The following PTPRT variants were observed in gnomAD, a reference collection of about 807,000 sequenced individuals.
PTPRT encodes receptor-type tyrosine-protein phosphatase T.
Under a neutral mutation model 176.8 loss-of-function variants are expected in PTPRT, and 56 were observed. The observed-to-expected ratio is 0.32, with a 90% CI of 0.26 to 0.40. PTPRT has a LOEUF of 0.40. Ranked by LOEUF, PTPRT falls within the 10% of genes least tolerant of loss-of-function variation. The pLI is 1.00. For missense variants in PTPRT, 1,540 were observed against 1,908.2 expected, an observed-to-expected ratio of 0.81 and a Z score of 3.60; for synonymous variants, 783 against 739.0, an observed-to-expected ratio of 1.06 and a Z score of -0.96.
chr20:42,555,861 C>T (rs142021780), intron 7 of PTPRT, among the ~76,000 whole-genome samples: 50 of 152,278 alleles, frequency 3.3e-4, no homozygotes, highest in Middle Eastern at 3.4e-3. Flanking sequence ...TGGCGAGAGC[C>T]ATGCCTCCAG....
intron 12 of PTPRT, among the ~76,000 whole-genome samples, chr20:42,288,676 T>C (rs984082738): frequency 6.6e-6 from 1 of 152,050 alleles, no homozygotes. Flanking sequence ...TACATCCATG[T>C]TGCTGCAGAG....
chr20:42,322,458 T>C (rs1394591681), intron 11 of PTPRT, among the ~76,000 whole-genome samples: 4 of 106,680 alleles, frequency 3.7e-5, no homozygotes, highest in Non-Finnish European at 6.7e-5. Context: ...TAACGCCGCA[T>C]ATCTACAACT....
At chr20:42,085,887 A>G in intron 27 of PTPRT, 34 bp from the exon 28 acceptor site, 1 of 1,579,528 alleles carries the variant, frequency 6.3e-7, no homozygotes, top group Non-Finnish European at 8.7e-7. Flanking sequence ...GAAGGAGCTC[A>G]AAGGCAGGGG....
At chr20:42,402,859 C>T (rs951823915) in intron 9 of PTPRT, among the ~76,000 whole-genome samples, 11 of 151,930 alleles carry the variant, frequency 7.2e-5, no homozygotes, top group African/African-American at 2.2e-4. Context: ...TGTGTATACA[C>T]ATGCGTGTGC....
At chr20:42,944,432 G>A (rs1326882373) in intron 1 of PTPRT, among the ~76,000 whole-genome samples, 1 of 152,124 alleles carries the variant, frequency 6.6e-6, no homozygotes, top group Non-Finnish European at 1.5e-5. Context: ...GCCTGCACTG[G>A]CCTCCCTTTA....
At chr20:42,212,892 GATGC>G (rs2055678642) in intron 15 of PTPRT, among the ~76,000 whole-genome samples, 1 of 152,146 alleles carries the variant, frequency 6.6e-6, no homozygotes, top group Admixed American at 6.5e-5. Context: ...AACCTCCATT[GATGC>G]AGTCTAGAGC....
chr20:42,354,356 G>A lies in PTPRT; in HGVS notation c.1561-2071C>T, dbSNP rs561875013. ...CTCTCAACATTATCATTATGTCCAT[G>A]GGATTCATCCATGTTGTCATGGGTA... On this transcript the variant is annotated intron_variant, in intron 9 of 30. Coordinates refer to ENST00000373187, the MANE Select transcript of PTPRT (RefSeq NM_007050.6). Among the ~76,000 whole-genome samples the A allele has an allele frequency of 5.3e-5, 8 of 152,220 alleles. No homozygotes were observed. In the South Asian group the frequency reaches 8.3e-4, roughly 16 times the overall value.
chr20:42,233,731 C>T (rs1439344233), intron 15 of PTPRT, among the ~76,000 whole-genome samples: 2 of 152,102 alleles, frequency 1.3e-5, no homozygotes, highest in African/African-American at 2.4e-5. Context: ...CAATATATGA[C>T]CGTCATGGGG....
intron 7 of PTPRT, among the ~76,000 whole-genome samples, chr20:42,634,123 TATA>T (rs1398606226): frequency 2.8e-5 from 1 of 36,286 alleles, no homozygotes; most frequent in Non-Finnish European, 4.4e-5. Context: ...TATAATATAT[TATA>T]TATATAATTA....
chr20:42,728,073 AC>A (rs1235221320), intron 6 of PTPRT, among the ~76,000 whole-genome samples: 1 of 152,160 alleles, frequency 6.6e-6, no homozygotes, highest in African/African-American at 2.4e-5. Flanking sequence ...AACTTGCAGC[AC>A]CCTTGAAAAG....
intron 1 of PTPRT, among the ~76,000 whole-genome samples, chr20:43,142,032 C>T (rs2014026627): frequency 6.6e-6 from 1 of 152,196 alleles, no homozygotes; most frequent in South Asian, 2.1e-4. Flanking sequence ...ACTCTCAAAG[C>T]AAATTACTTC....
rs547402593 is a variant in PTPRT at position 42,821,517 on chromosome 20, C to T, written c.215-30051G>A. Among the ~76,000 whole-genome samples, 5 of 152,270 alleles carry T rather than the reference C, an allele frequency of 3.3e-5. No homozygotes were observed. The South Asian group carries it at 1.0e-3, about 32-fold the overall frequency. ...AAACTGGTACAGACAAGGATGCCTC[C>T]TCTCACCACTCCTATTCAACACAGT... On this transcript the variant is annotated intron_variant, in intron 2 of 30. Coordinates refer to ENST00000373187, the MANE Select transcript of PTPRT (RefSeq NM_007050.6).
At chr20:42,276,382 A>G (rs1337620772) in intron 13 of PTPRT, among the ~76,000 whole-genome samples, 1 of 149,566 alleles carries the variant, frequency 6.7e-6, no homozygotes, top group Non-Finnish European at 1.5e-5. Flanking sequence ...AGCAGTGACT[A>G]GAGTCTGGGC....
At chr20:42,421,868 G>A (rs984532419) in intron 9 of PTPRT, among the ~76,000 whole-genome samples, 1 of 151,980 alleles carries the variant, frequency 6.6e-6, no homozygotes, top group African/African-American at 2.4e-5. Flanking sequence ...GAGACCAATG[G>A]AACAGAATAG....
intron 7 of PTPRT, among the ~76,000 whole-genome samples, chr20:42,668,168 T>G (rs536055145): frequency 9.2e-5 from 14 of 152,282 alleles, no homozygotes; most frequent in African/African-American, 3.1e-4. Context: ...ACAATTGATT[T>G]TTTCCCTTTT....
chr20:42,893,699 A>G (rs1465036166), intron 1 of PTPRT, among the ~76,000 whole-genome samples: 8 of 151,890 alleles, frequency 5.3e-5, no homozygotes, highest in Admixed American at 1.3e-4. Context: ...TGATGAGTTC[A>G]TGTCCTTTGT....
intron 1 of PTPRT, among the ~76,000 whole-genome samples, chr20:42,927,875 A>G (rs1979586273): frequency 6.6e-6 from 1 of 152,208 alleles, no homozygotes; most frequent in Non-Finnish European, 1.5e-5. Context: ...TTAGACCACT[A>G]TGTATTATTT....
At chr20:43,019,861 C>T (rs544967470) in intron 1 of PTPRT, among the ~76,000 whole-genome samples, 1 of 152,048 alleles carries the variant, frequency 6.6e-6, no homozygotes, top group South Asian at 2.1e-4. Context: ...ATTTCAGGTT[C>T]TCTAGCCTTT....
chr20:43,057,044 G>A (rs907076831), intron 1 of PTPRT, among the ~76,000 whole-genome samples: 17 of 151,860 alleles, frequency 1.1e-4, no homozygotes, highest in Admixed American at 8.5e-4. Context: ...TCTACTGTCT[G>A]ATTCTACTTA....
Sources: allele counts gnomAD v4.1 joint callset (sites outside exome capture counted in the v4.1 genomes callset), GRCh38; gene constraint gnomAD v4.1.1; transcripts MANE v1.5; gene names NCBI Gene and HGNC (gene_info 2026-07-23, HGNC 2026-07-21).